The following SIRT5 variants were observed in gnomAD, a reference collection of about 807,000 sequenced individuals.
The protein encoded by SIRT5 is sirtuin 5, also known as NAD-dependent protein deacylase sirtuin-5, mitochondrial.
A neutral mutation model predicts 40.0 loss-of-function variants in SIRT5; 26 were observed. The ratio of observed to expected loss-of-function variants is 0.65; its 90% CI spans 0.48 to 0.90. The LOEUF (loss-of-function observed/expected upper bound fraction) is 0.90. Among genes scored for constraint, SIRT5 ranks in the 40% least tolerant of loss-of-function variants. The probability of loss-of-function intolerance (pLI) is 0.00; values close to 1 mark genes in which losing one functional copy is unlikely to be tolerated. For missense variants in SIRT5, 401 were observed against 402.4 expected, an observed-to-expected ratio of 1.00 and a Z score of 0.03; for synonymous variants, 146 against 149.1, an observed-to-expected ratio of 0.98 and a Z score of 0.15.
chr6:13,591,846 G>A lies in SIRT5; in HGVS notation c.427G>A (p.Asp143Asn), dbSNP rs201247677. 51 of 1,614,096 alleles carry A rather than the reference G, an allele frequency of 3.2e-5. No individual in the cohort carries two copies. The highest frequency in any genetic ancestry group is 1.2e-4 in the Admixed American group (7 of 60,018). The change falls in exon 5 of 10, where the codon GAT (aspartate) becomes AAT (asparagine). Residue 143 changes from aspartate (D) to asparagine (N), a missense_variant. By Grantham distance (23) the Asp-to-Asn change is conservative. Transcript: ENST00000606117. ...AGTCGTGGTCATCACCCAGAACATC[G>A]ATGAGCTGCACCGCAAGGCTGGCAC... ...RRVVVITQNI[D>N]ELHRKAGTKN...
At chr6:13,580,270 G>A (rs1397296629) in intron 2 of SIRT5, among the ~76,000 whole-genome samples, 1 of 152,142 alleles carries the variant, frequency 6.6e-6, no homozygotes, top group Non-Finnish European at 1.5e-5. Flanking sequence ...AGAAGAGACA[G>A]GATACATTGA....
chr6:13,607,016 G>A lies in SIRT5; in HGVS notation c.858-4774G>A, dbSNP rs904100214. Among the ~76,000 whole-genome samples the A allele has an allele frequency of 6.6e-6, 1 of 151,004 alleles. No homozygotes were observed. The highest frequency in any genetic ancestry group is 1.5e-5 in the Non-Finnish European group (1 of 67,790). The stretch of plus-strand genomic sequence containing the variant: ...TTTTTTTTTTGGAATAGAGCTAAAG[G>A]CCTTTTGTTTGAGTAGGGATCTGCT... On this transcript the variant is annotated intron_variant, in intron 9 of 9. Coordinates refer to ENST00000606117, the MANE Select transcript of SIRT5 (RefSeq NM_012241.5). The surrounding 1 kb of genome is among the most constrained non-coding windows in gnomAD (Gnocchi z 4.0).
At chr6:13,597,797 C>T (rs1761794760) in intron 7 of SIRT5, among the ~76,000 whole-genome samples, 1 of 152,172 alleles carries the variant, frequency 6.6e-6, no homozygotes, top group African/African-American at 2.4e-5. Context: ...CCACCCGCCT[C>T]AGCCTCCCAA....
rs569905966 is a variant in SIRT5 at position 13,583,035 on chromosome 6, GTC to G, written c.-35-1037_-35-1036del. Reference sequence around the variant, plus strand: ...AGCCTGGCCAACATGGTGAAACCCTGTCTCTACCAAAAATACAAAAATTAGCC... The same window carrying G: ...AGCCTGGCCAACATGGTGAAACCCTGTCTACCAAAAATACAAAAATTAGCC... On this transcript the variant is annotated intron_variant, in intron 2 of 9. Coordinates refer to ENST00000606117, the MANE Select transcript of SIRT5 (RefSeq NM_012241.5). Among the ~76,000 whole-genome samples, 81 of 152,012 alleles carry G rather than the reference GTC, an allele frequency of 5.3e-4. 1 individual carries two copies. Among genetic ancestry groups the G allele is most frequent in the African/African-American group, 1.8e-3 (75 of 41,466 alleles).
chr6:13,601,488 C>T (rs1762384729), intron 9 of SIRT5, among the ~76,000 whole-genome samples: 1 of 152,094 alleles, frequency 6.6e-6, no homozygotes, highest in African/African-American at 2.4e-5. Flanking sequence ...TGTTTTATTT[C>T]TTCATCCATG....
intron 7 of SIRT5, among the ~76,000 whole-genome samples, chr6:13,598,630 G>A (rs574870125): frequency 2.4e-4 from 37 of 152,242 alleles, no homozygotes; most frequent in Admixed American, 2.6e-4. Context: ...AGCAGTTTGA[G>A]ACCAGCCCGG....
chr6:13,599,218 T>G, intron 8 of SIRT5, 63 bp downstream of exon 8: 1 of 1,527,900 alleles, frequency 6.5e-7, no homozygotes. Context: ...TCCTTCCCCC[T>G]CTCCTCTTTT....
At chr6:13,608,549 G>A (rs1763412820) in intron 9 of SIRT5, among the ~76,000 whole-genome samples, 1 of 150,750 alleles carries the variant, frequency 6.6e-6, no homozygotes, top group Admixed American at 6.6e-5. Context: ...TCGTGCCACT[G>A]CACTCCGGCC....
chr6:13,589,971 T>C (rs1584780194), intron 4 of SIRT5, among the ~76,000 whole-genome samples: 1 of 152,182 alleles, frequency 6.6e-6, no homozygotes, highest in East Asian at 1.9e-4. Context: ...CCATGTGTTC[T>C]AGGTGAAGAG....
intron 1 of SIRT5, among the ~76,000 whole-genome samples, chr6:13,577,496 C>T (rs1174665894): frequency 1.3e-5 from 2 of 151,498 alleles, no homozygotes; most frequent in Non-Finnish European, 2.9e-5. Flanking sequence ...GATTTTGTAT[C>T]CTGCAACTTC....
intron 3 of SIRT5, among the ~76,000 whole-genome samples, chr6:13,586,698 T>C (rs1405246487): frequency 2.0e-5 from 3 of 152,080 alleles, no homozygotes. Flanking sequence ...GAGTCCATGG[T>C]AGGGAAGAGA....
In SIRT5 at chr6:13,604,642, G is replaced by A. The variant is rs978933970; in HGVS notation, c.857+3693G>A. ...CACCTCCCATGCCATGGACTGAGCA[G>A]CAGGGGCCCAGCATCCCTTGGATAT... On this transcript the variant is annotated intron_variant, in intron 9 of 9. Coordinates refer to ENST00000606117, the MANE Select transcript of SIRT5 (RefSeq NM_012241.5). 19 of 1,435,860 alleles carry A rather than the reference G, an allele frequency of 1.3e-5. No homozygotes were observed. The African/African-American group carries it at 2.5e-4, about 19-fold the overall frequency. 88.9% of individuals were successfully genotyped at this position (1,435,860 alleles called of 1,614,324 possible). A position where few individuals can be genotyped will look rare whatever the true frequency, so the allele number is the denominator to read the frequency against.
intron 9 of SIRT5, chr6:13,605,484 T>A (rs1206557139): frequency 1.0e-6 from 1 of 985,426 alleles, no homozygotes; most frequent in East Asian, 1.1e-4. Context: ...GCTAGAATGC[T>A]GCCTATATTT....
chr6:13,594,863 C>A (rs1344436553), intron 5 of SIRT5, among the ~76,000 whole-genome samples: 1 of 152,222 alleles, frequency 6.6e-6, no homozygotes, highest in Non-Finnish European at 1.5e-5. Context: ...TTAACAATTA[C>A]TTTTTTCACT....
chr6:13,599,664 A>G (rs1157674876), intron 8 of SIRT5, among the ~76,000 whole-genome samples: 3 of 152,202 alleles, frequency 2.0e-5, no homozygotes, highest in African/African-American at 7.2e-5. Context: ...ATAAAGTTTT[A>G]TTGGAACTCA....
At position 13,607,433 on chromosome 6, in the gene SIRT5, GTCTT is replaced by G. The variant is rs1363771272; in HGVS notation, c.858-4354_858-4351del. Among the ~76,000 whole-genome samples the G allele has an allele frequency of 3.3e-5, 5 of 151,954 alleles. No homozygotes were observed. Among genetic ancestry groups the G allele is most frequent in the African/African-American group, 1.2e-4 (5 of 41,378 alleles). On this transcript the variant is annotated intron_variant, in intron 9 of 9. Coordinates refer to ENST00000606117, the MANE Select transcript of SIRT5 (RefSeq NM_012241.5). This position sits in a 1 kb window ranked among gnomAD's most constrained non-coding sequence, Gnocchi z 4.0. ...CAAATTATATTTAGTGACTCAGTAT[GTCTT>G]TCCCAAGCATTCAACTAGTTTTCCT...
intron 4 of SIRT5, among the ~76,000 whole-genome samples, chr6:13,590,936 G>A (rs1405305906): frequency 6.8e-6 from 1 of 147,670 alleles, no homozygotes; most frequent in African/African-American, 2.4e-5. Flanking sequence ...ATGTAGATGT[G>A]TGTAGTTGTG....
Position 13,613,611 on chromosome 6 carries a change from C to T in SIRT5, c.*1746C>T, listed in dbSNP as rs1436021718. 6.6e-6 allele frequency: 1 copy of T among 152,216 alleles called. No homozygotes were observed. Among genetic ancestry groups the T allele is most frequent in the Non-Finnish European group, 1.5e-5 (1 of 68,044 alleles). 9.4% of individuals were successfully genotyped at this position (152,216 alleles called of 1,614,324 possible). A position where few individuals can be genotyped will look rare whatever the true frequency, so the allele number is the denominator to read the frequency against. On this transcript the variant is annotated 3_prime_UTR_variant, in exon 10 of 10. Transcript: ENST00000606117. ...GCAAGGCATAACCTTTAATAAATCCCAGTGGTCCTTTGTGTAGGGAACGGG... is the reference window on the plus strand; with the variant it reads ...GCAAGGCATAACCTTTAATAAATCCTAGTGGTCCTTTGTGTAGGGAACGGG...
intron 2 of SIRT5, among the ~76,000 whole-genome samples, chr6:13,583,717 C>T (rs1358202496): frequency 6.6e-6 from 1 of 152,192 alleles, no homozygotes; most frequent in Non-Finnish European, 1.5e-5. Flanking sequence ...TGATGGGGTC[C>T]ACCCCCAGAG....
Sources: allele counts gnomAD v4.1 joint callset (sites outside exome capture counted in the v4.1 genomes callset), GRCh38; gene constraint gnomAD v4.1.1; non-coding constraint Gnocchi (gnomAD v3.1); transcripts MANE v1.5; gene names NCBI Gene and HGNC (gene_info 2026-07-23, HGNC 2026-07-21).